Variants in SND1 observed in about 807,000 individuals in gnomAD.
The protein encoded by SND1 is staphylococcal nuclease and tudor domain containing 1.
A neutral mutation model predicts 121.7 loss-of-function variants in SND1; 38 were observed. That is an observed-to-expected ratio of 0.31 (90% CI 0.24 to 0.41). The LOEUF (loss-of-function observed/expected upper bound fraction) is 0.41, where lower values mean the gene tolerates loss of function less well. Ranked by LOEUF, SND1 falls within the 10% of genes least tolerant of loss-of-function variation. The pLI, the probability that SND1 is intolerant of heterozygous loss-of-function variation, is 1.00. For missense variants in SND1, 868 were observed against 1,184.6 expected, an observed-to-expected ratio of 0.73 and a Z score of 3.92; for synonymous variants, 401 against 447.4, an observed-to-expected ratio of 0.90 and a Z score of 1.31.
At chr7:127,851,158 A>G (rs1361251153) in intron 12 of SND1, among the ~76,000 whole-genome samples, 3 of 152,208 alleles carry the variant, frequency 2.0e-5, no homozygotes, top group Non-Finnish European at 2.9e-5. Flanking sequence ...GAATCCTACA[A>G]ATCAGCAAAA....
At chr7:128,011,804 G>T (rs2089305087) in intron 16 of SND1, among the ~76,000 whole-genome samples, 1 of 152,194 alleles carries the variant, frequency 6.6e-6, no homozygotes, top group Non-Finnish European at 1.5e-5. Flanking sequence ...CATATTAAAT[G>T]AAGTGTTTAA....
intron 17 of SND1, among the ~76,000 whole-genome samples, 185 bp downstream of exon 17, chr7:128,074,875 C>T (rs1350892464): frequency 2.0e-5 from 3 of 152,204 alleles, no homozygotes; most frequent in South Asian, 2.1e-4. Flanking sequence ...GAGGTGTCCT[C>T]GGCCACAGCC....
chr7:127,907,562 G>A (rs1050948422), intron 14 of SND1, among the ~76,000 whole-genome samples: 3 of 152,186 alleles, frequency 2.0e-5, no homozygotes, highest in African/African-American at 7.2e-5. Flanking sequence ...AGCTGACAGT[G>A]TAGGCAATAT....
At chr7:127,708,040 A>G (rs776264885) in intron 9 of SND1, among the ~76,000 whole-genome samples, 3 of 152,186 alleles carry the variant, frequency 2.0e-5, no homozygotes, top group Non-Finnish European at 2.9e-5. Flanking sequence ...ATAGATACTC[A>G]GTAGGAACCA....
chr7:127,890,024 T>G (rs1211397218), intron 13 of SND1, among the ~76,000 whole-genome samples: 1 of 152,094 alleles, frequency 6.6e-6, no homozygotes, highest in Non-Finnish European at 1.5e-5. Context: ...TAATTTCCCT[T>G]TTTTAGGCGG....
At position 127,988,196 on chromosome 7, in the gene SND1, G is replaced by A. The variant is rs1385887194; in HGVS notation, c.1670-2751G>A. ...TCTATCTGTAGATGTAGCTCGGCTCGGCAAATTTCTAATACTCAGACATTC... is the reference window on the plus strand; with the variant it reads ...TCTATCTGTAGATGTAGCTCGGCTCAGCAAATTTCTAATACTCAGACATTC... On this transcript the variant is annotated intron_variant, in intron 15 of 23. Transcript: ENST00000354725. 2.0e-5 allele frequency among the ~76,000 whole-genome samples: 3 copies of A among 152,248 alleles called. No individual in the cohort carries two copies. In the East Asian group the frequency reaches 5.8e-4, roughly 29 times the overall value.
chr7:128,053,729 G>A (rs1793087590), intron 16 of SND1, among the ~76,000 whole-genome samples: 1 of 152,018 alleles, frequency 6.6e-6, no homozygotes. Flanking sequence ...CCTAGTTTCA[G>A]AGCGGCACCT....
chr7:128,017,374 G>A (rs1803247521), intron 16 of SND1, among the ~76,000 whole-genome samples: 1 of 152,230 alleles, frequency 6.6e-6, no homozygotes, highest in Non-Finnish European at 1.5e-5. Flanking sequence ...TCCAGGACAT[G>A]AGGGGGCTAC....
chr7:127,735,394 T>C (rs1796757503), intron 10 of SND1, among the ~76,000 whole-genome samples: 1 of 152,136 alleles, frequency 6.6e-6, no homozygotes, highest in Admixed American at 6.5e-5. Flanking sequence ...ACAACCACTT[T>C]TGGAGGCACC....
chr7:128,075,480 C>T (rs773675916), intron 17 of SND1, among the ~76,000 whole-genome samples: 16 of 152,152 alleles, frequency 1.1e-4, no homozygotes, highest in Non-Finnish European at 1.8e-4. Flanking sequence ...AGCTAAGGCC[C>T]GGACACCTGC....
chr7:128,033,590 A>G (rs998902351), intron 16 of SND1, among the ~76,000 whole-genome samples: 2 of 152,188 alleles, frequency 1.3e-5, no homozygotes, highest in African/African-American at 4.8e-5. Context: ...ACGCCATGGA[A>G]TACTTGAAGT....
rs780682744 is a variant in SND1 at position 127,888,003 on chromosome 7, C to G, written c.1445C>G (p.Ala482Gly). 6.2e-7 allele frequency: 1 copy of G among 1,610,362 alleles called. No individual in the cohort carries two copies. The highest frequency in any genetic ancestry group is 2.2e-5 in the East Asian group (1 of 44,668). Residue 482 changes from alanine to glycine, a missense_variant, in exon 13 of 24, where the codon GCA becomes GGA. Ala to Gly is a moderately conservative substitution (Grantham distance 60). Coordinates refer to ENST00000354725, the MANE Select transcript of SND1 (RefSeq NM_014390.4). ...RSSHYDELLA[A>G]EARAIKNGKG... ...TCACACTACGATGAACTGCTTGCTGCAGAGGCCAGGTAAGACCAAACATTA... is the reference window on the plus strand; with the variant it reads ...TCACACTACGATGAACTGCTTGCTGGAGAGGCCAGGTAAGACCAAACATTA...
At position 127,775,199 on chromosome 7, in the gene SND1, A is replaced by C. The variant is rs563237485; in HGVS notation, c.1153-32285A>C. On this transcript the variant is annotated intron_variant, in intron 10 of 23. Transcript: ENST00000354725. ...GAGGCAAGGACGGATTATTCCTTAGAACCTTTAAAGGGAACATGGCCCTGT... is the reference window on the plus strand; with the variant it reads ...GAGGCAAGGACGGATTATTCCTTAGCACCTTTAAAGGGAACATGGCCCTGT... 2.0e-5 allele frequency among the ~76,000 whole-genome samples: 3 copies of C among 152,312 alleles called. No individual in the cohort carries two copies. In the South Asian group the frequency reaches 6.2e-4, roughly 32 times the overall value.
chr7:128,020,990 GA>G (rs909591057), intron 16 of SND1, among the ~76,000 whole-genome samples: 16 of 151,822 alleles, frequency 1.1e-4, no homozygotes, highest in Admixed American at 5.2e-4. Context: ...CATTTCTAAT[GA>G]AAAAAATAGT....
At chr7:127,845,277 T>C (rs746830553) in intron 12 of SND1, among the ~76,000 whole-genome samples, 8 of 152,264 alleles carry the variant, frequency 5.3e-5, no homozygotes, top group Non-Finnish European at 1.2e-4. Flanking sequence ...CTTAGCTTCA[T>C]GAAAGTCTCC....
At chr7:127,830,925 A>G (rs1253148500) in intron 11 of SND1, among the ~76,000 whole-genome samples, 2 of 152,200 alleles carry the variant, frequency 1.3e-5, no homozygotes, top group African/African-American at 2.4e-5. Context: ...AAAAGGGGCA[A>G]ATTGGGAGGC....
At chr7:128,063,212 G>A (rs904759400) in intron 16 of SND1, among the ~76,000 whole-genome samples, 3 of 152,196 alleles carry the variant, frequency 2.0e-5, no homozygotes, top group East Asian at 3.8e-4. Context: ...GGAGGTGGTG[G>A]ATGCGTGGGA....
intron 12 of SND1, among the ~76,000 whole-genome samples, chr7:127,869,553 T>G (rs1365852998): frequency 2.0e-5 from 3 of 152,202 alleles, no homozygotes; most frequent in African/African-American, 7.2e-5. Flanking sequence ...CCATTGACTT[T>G]TTTTTAAAAA....
At chr7:127,948,994 G>A (rs1204736515) in intron 15 of SND1, 2 of 152,266 alleles carry the variant, frequency 1.3e-5, no homozygotes, top group East Asian at 3.8e-4. Flanking sequence ...CTTCACACAT[G>A]TGGTATATTA....
Sources: gnomAD v4.1 joint callset for allele counts (sites outside exome capture counted in the v4.1 genomes callset) on GRCh38, gnomAD v4.1.1 for gene constraint, MANE v1.5 for transcripts, NCBI Gene and HGNC (gene_info 2026-07-23, HGNC 2026-07-21) for gene names.